The following ANPEP variants were observed in gnomAD, a reference collection of about 807,000 sequenced individuals.
The protein encoded by ANPEP is aminopeptidase N.
ANPEP carries 70 observed loss-of-function variants against 114.6 expected under a neutral mutation model. That is an observed-to-expected ratio of 0.61 (90% CI 0.50 to 0.75). The LOEUF is 0.75. ANPEP is among the 30% of genes least tolerant of loss of function. The pLI is 0.00. For missense variants in ANPEP, 1,184 were observed against 1,259.5 expected, an observed-to-expected ratio of 0.94 and a Z score of 0.91; for synonymous variants, 548 against 522.3, an observed-to-expected ratio of 1.05 and a Z score of -0.67.
At chr15:89,793,987 T>G (rs1451699463) in intron 15 of ANPEP, among the ~76,000 whole-genome samples, 1 of 152,104 alleles carries the variant, frequency 6.6e-6, no homozygotes, top group Non-Finnish European at 1.5e-5. Flanking sequence ...CCCACCTGGA[T>G]CCACGTCCAA....
chr15:89,808,938 TG>T (rs1277837987), intron 1 of ANPEP, among the ~76,000 whole-genome samples: 1 of 152,232 alleles, frequency 6.6e-6, no homozygotes, highest in Admixed American at 6.5e-5. Flanking sequence ...AGGGGAGTCC[TG>T]GGTGCCCACC....
Position 89,804,243 on chromosome 15 carries a change from G to A in ANPEP, c.1179+10C>T, listed in dbSNP as rs751957612. On this transcript the variant is annotated intron_variant, in intron 6 of 20. Transcript: ENST00000300060. ...TTTCCTTCTCCGCACTCCCCGAGAT[G>A]GGGGTCTACCTGGTGGGCCAGCTCA... is the stretch of plus-strand genomic sequence containing the variant. 2 of 1,614,064 alleles carry A rather than the reference G, an allele frequency of 1.2e-6. No individual in the cohort carries two copies. The highest frequency in any genetic ancestry group is 2.2e-5 in the East Asian group (1 of 44,870).
chr15:89,785,078 T>G lies in ANPEP; in HGVS notation c.*271A>C. 4 of 413,012 alleles carry G rather than the reference T, an allele frequency of 9.7e-6. No homozygotes were observed. Among genetic ancestry groups the G allele is most frequent in the East Asian group, 4.5e-5 (1 of 22,004 alleles). The allele number at this position is 413,012 out of a possible 1,614,324, so 25.6% of individuals were successfully genotyped here. A position where few individuals can be genotyped will look rare whatever the true frequency, so the allele number is the denominator to read the frequency against. ...ATCTGGCCCTGGAGCTGGGCTTCCCTGAGATCAGCCCCAGGGCACTGGGCG... is the reference window on the plus strand; with the variant it reads ...ATCTGGCCCTGGAGCTGGGCTTCCCGGAGATCAGCCCCAGGGCACTGGGCG... On this transcript the variant is annotated 3_prime_UTR_variant, in exon 21 of 21. Coordinates refer to ENST00000300060, the MANE Select transcript of ANPEP (RefSeq NM_001150.3).
At position 89,792,258 on chromosome 15, in the gene ANPEP, G is replaced by T. The variant is rs1968643019; in HGVS notation, c.2430C>A (p.Asp810Glu). 3 of 1,614,240 alleles carry T rather than the reference G, an allele frequency of 1.9e-6. No individual in the cohort carries two copies. The highest frequency in any genetic ancestry group is 2.5e-6 in the Non-Finnish European group (3 of 1,180,046). Residue 810 changes from aspartate to glutamate, a missense_variant, in exon 18 of 21, where the codon GAC becomes GAA. Physicochemically the swap from Asp to Glu is conservative, Grantham distance 45. Coordinates refer to ENST00000300060, the MANE Select transcript of ANPEP (RefSeq NM_001150.3). The stretch of plus-strand genomic sequence containing the variant: ...CATTTCGGAACTGCTCCCAGGCGAA[G>T]TCCCACTCCTCCTCCCCGCCCTGGG... ...AIAQGGEEEW[D>E]FAWEQFRNAT...
chr15:89,806,454 A>C lies in ANPEP; in HGVS notation c.130T>G (p.Ser44Ala), dbSNP rs1449250575. 6.2e-7 allele frequency: 1 copy of C among 1,613,380 alleles called. No homozygotes were observed. Among genetic ancestry groups the C allele is most frequent in the South Asian group, 1.1e-5 (1 of 91,036 alleles). Residue 44 changes from serine to alanine, a missense_variant, in exon 2 of 21, where the codon TCC (serine) becomes GCC (alanine). Ser to Ala is a moderately conservative substitution (Grantham distance 99, BLOSUM62 1). Coordinates refer to ENST00000300060, the MANE Select transcript of ANPEP (RefSeq NM_001150.3). The surrounding 1 kb of genome is among the most constrained non-coding windows in gnomAD (Gnocchi z 5.7). ...GACGGGGTGGTGGAGGCCACGGGGG[A>C]GCTGTTGGCGTTCTTGTTCTTCTCC... The part of the protein sequence containing the change: ...SQEKNKNANS[S>A]PVASTTPSAS...
intron 12 of ANPEP, among the ~76,000 whole-genome samples, chr15:89,800,821 G>A (rs1894573282): frequency 6.6e-6 from 1 of 152,126 alleles, no homozygotes; most frequent in African/African-American, 2.4e-5. Context: ...CCAAAGTGCT[G>A]GGATTACAGG....
chr15:89,801,866 G>A (rs375391781), intron 10 of ANPEP, among the ~76,000 whole-genome samples: 2 of 152,232 alleles, frequency 1.3e-5, no homozygotes, highest in East Asian at 1.9e-4. Flanking sequence ...AGGTGTGTAT[G>A]TCAGGGAGGG....
intron 1 of ANPEP, among the ~76,000 whole-genome samples, chr15:89,813,895 G>A (rs964121340): frequency 6.6e-6 from 1 of 152,038 alleles, no homozygotes; most frequent in African/African-American, 2.4e-5. Context: ...GGCCTGGTGG[G>A]TTGCAGTCCA....
At chr15:89,789,774 T>TAAAAAA (rs1455923031) in intron 20 of ANPEP, among the ~76,000 whole-genome samples, 2 of 49,258 alleles carry the variant, frequency 4.1e-5, no homozygotes, top group African/African-American at 2.1e-4. Context: ...AGACTCAGTC[T>TAAAAAA]CAAAAAAAAA....
intron 20 of ANPEP, among the ~76,000 whole-genome samples, chr15:89,785,737 G>C (rs895159566): frequency 2.0e-5 from 3 of 152,170 alleles, no homozygotes; most frequent in African/African-American, 7.2e-5. Flanking sequence ...CTGGCCTTCA[G>C]GTGTAATATT....
intron 1 of ANPEP, among the ~76,000 whole-genome samples, chr15:89,814,282 C>T (rs1476621197): frequency 6.6e-6 from 1 of 152,176 alleles, no homozygotes; most frequent in Non-Finnish European, 1.5e-5. Flanking sequence ...GGCTTTAGAC[C>T]GAGGAGCGAG....
rs763012818 is a variant in ANPEP, at chr15:89,804,008, G to C, written c.1180-6C>G. The C allele has an allele frequency of 2.0e-5, 33 of 1,613,756 alleles. No homozygotes were observed. In the African/African-American group the frequency reaches 3.7e-4, roughly 18 times the overall value. The stretch of plus-strand genomic sequence containing the variant: ...GTCACCAGGTTCCCGAACCACTGTG[G>C]GGGGAGGGGTCAGCTGGGCAAGCCA... On this transcript the variant is annotated splice_region_variant and splice_polypyrimidine_tract_variant and intron_variant, in intron 6 of 20. Transcript: ENST00000300060.
chr15:89,811,037 T>C lies in ANPEP; in HGVS notation c.-224+3735A>G, dbSNP rs150259018. On this transcript the variant is annotated intron_variant, in intron 1 of 20. Transcript: ENST00000300060. ...GCCTCCATGAGGGTAGCACCAGGTG[T>C]GCCGTATCCTCTACACCTGGCGTGC... Among the ~76,000 whole-genome samples the C allele has an allele frequency of 1.8e-4, 28 of 152,280 alleles. No homozygotes were observed. The East Asian group carries it at 5.4e-3, about 29-fold the overall frequency.
At position 89,791,101 on chromosome 15, in the gene ANPEP, G is replaced by C. The variant is rs1443114867; in HGVS notation, c.2529-8C>G. On this transcript the variant is annotated splice_polypyrimidine_tract_variant and splice_region_variant and intron_variant, in intron 18 of 20. Transcript: ENST00000300060. ...AGGGTGTAGCTCAGGTACCTAAGAG[G>C]GCCAGATGCTGTCTCAGCTACTGCT... 1 of 1,613,798 alleles carries C rather than the reference G, an allele frequency of 6.2e-7. No individual in the cohort carries two copies. The highest frequency in any genetic ancestry group is 1.1e-5 in the South Asian group (1 of 91,046).
At chr15:89,797,508 T>C (rs1968751793) in intron 15 of ANPEP, 67 bp downstream of exon 15, 1 of 1,546,344 alleles carries the variant, frequency 6.5e-7, no homozygotes, top group South Asian at 1.2e-5. Flanking sequence ...GTCTATTAAC[T>C]TCCTAATAGT....
In ANPEP at chr15:89,793,080, T is replaced by C; in HGVS notation, c.2204A>G (p.Asn735Ser). 6.2e-7 allele frequency: 1 copy of C among 1,614,200 alleles called. No homozygotes were observed. The highest frequency in any genetic ancestry group is 8.5e-7 in the Non-Finnish European group (1 of 1,180,006). The change falls in exon 16 of 21, where the codon AAT (asparagine) becomes AGT (serine). Residue 735 changes from asparagine (N) to serine (S), a missense_variant. Physicochemically the swap from Asn to Ser is conservative, Grantham distance 46. Coordinates refer to ENST00000300060, the MANE Select transcript of ANPEP (RefSeq NM_001150.3). ...QVTPLFIHFR[N>S]NTNNWREIPE... is the part of the protein sequence containing the mutation. Reference sequence around the variant, plus strand: ...GATCTCCCTCCAGTTGTTGGTATTATTTCTGAAGTGAATGAAGAGGGGTGT... The same window carrying C: ...GATCTCCCTCCAGTTGTTGGTATTACTTCTGAAGTGAATGAAGAGGGGTGT...
chr15:89,809,380 A>G (rs11073890), intron 1 of ANPEP, among the ~76,000 whole-genome samples: 83,891 of 152,038 alleles, frequency 0.55, 23,621 homozygotes, highest in East Asian at 0.81. Flanking sequence ...GGCCCACCAT[A>G]CTCTCTTCCT....
Position 89,803,472 on chromosome 15 carries a change from C to G in ANPEP, c.1473G>C (p.Leu491=), listed in dbSNP as rs757809429. The change falls in exon 9 of 21, where the codon CTG becomes CTC. Residue 491 remains leucine (L), a synonymous_variant. Transcript: ENST00000300060. The surrounding 1 kb of genome is among the most constrained non-coding windows in gnomAD (Gnocchi z 4.2). ...ASVLRMLSSF[L]SEDVFKQGLA... is the part of the protein sequence containing the mutation. ...GGCCCTGCTTGAATACGTCCTCGGA[C>G]AGGAAGCTGGAGAGCATCCTGAGGA... 3 of 1,606,190 alleles carry G rather than the reference C, an allele frequency of 1.9e-6. No homozygotes were observed. Among genetic ancestry groups the G allele is most frequent in the South Asian group, 2.2e-5 (2 of 90,320 alleles).
intron 1 of ANPEP, among the ~76,000 whole-genome samples, chr15:89,813,138 T>G (rs1894845244): frequency 6.6e-6 from 1 of 152,070 alleles, no homozygotes; most frequent in African/African-American, 2.4e-5. Context: ...CCCCAGGGCC[T>G]CGGTGTGCGG....
Sources: gnomAD v4.1 joint callset for allele counts (sites outside exome capture counted in the v4.1 genomes callset) on GRCh38, gnomAD v4.1.1 for gene constraint, Gnocchi (gnomAD v3.1) non-coding constraint, MANE v1.5 for transcripts, NCBI Gene and HGNC (gene_info 2026-07-23, HGNC 2026-07-21) for gene names.